The following ATRX variants were observed in gnomAD, a reference collection of about 807,000 sequenced individuals.
The protein encoded by ATRX is ATRX chromatin remodeler.
ATRX carries 12 observed loss-of-function variants against 172.6 expected under a neutral mutation model. The ratio of observed to expected loss-of-function variants is 0.07; its 90% CI spans 0.04 to 0.11. The LOEUF (loss-of-function observed/expected upper bound fraction) is 0.11. Ranked by LOEUF, ATRX falls within the 10% of genes least tolerant of loss-of-function variation. The pLI, the probability that ATRX is intolerant of heterozygous loss-of-function variation, is 1.00. For missense variants in ATRX, 1,368 were observed against 1,767.4 expected (o/e 0.77, Z 4.05); for synonymous variants, 674 against 594.7 (o/e 1.13, Z -1.94).
chrX:77,703,362 C>T (rs1603252332), intron 2 of ATRX, among the ~76,000 whole-genome samples: 1 of 112,886 alleles, frequency 8.9e-6, no homozygotes, highest in Admixed American at 9.3e-5. Flanking sequence ...GGGGTCCGGT[C>T]ACTGCGCAAT....
At chrX:77,542,282 G>A (rs781996655) in intron 30 of ATRX, among the ~76,000 whole-genome samples, 100 of 111,649 alleles carry the variant, frequency 9.0e-4, no homozygotes, top group Non-Finnish European at 1.6e-3. Flanking sequence ...CCTCTTCAAG[G>A]AGAACTACAA....
chrX:77,780,469 G>A (rs188420639), intron 1 of ATRX, among the ~76,000 whole-genome samples: 47 of 109,090 alleles, frequency 4.3e-4, no homozygotes, highest in Non-Finnish European at 7.6e-4. Flanking sequence ...GAGATTACAG[G>A]TGCCCACCAC....
chrX:77,731,774 G>A (rs944707636), intron 1 of ATRX, among the ~76,000 whole-genome samples: 24 of 110,540 alleles, frequency 2.2e-4, no homozygotes, highest in Non-Finnish European at 1.1e-4. Flanking sequence ...AGAAACGGCC[G>A]GACTTCAGGG....
At chrX:77,557,407 T>C in intron 30 of ATRX, 44 bp downstream of exon 30, 1 of 1,154,951 alleles carries the variant, frequency 8.7e-7, no homozygotes, top group Non-Finnish European at 1.2e-6. Flanking sequence ...AAAATTTCCT[T>C]AGTCCACGTT....
chrX:77,682,564 C>A lies in ATRX; in HGVS notation c.2692G>T (p.Asp898Tyr). 8.3e-7 allele frequency: 1 copy of A among 1,211,059 alleles called. No individual in the cohort carries two copies. The highest frequency in any genetic ancestry group is 1.1e-6 in the Non-Finnish European group (1 of 895,280). Reference protein sequence around the residue: ...FSSAEGTVDKDTTIMELRDRL... With the variant: ...FSSAEGTVDKYTTIMELRDRL... ...TCTCTTAATTCCATGATGGTCGTGT[C>A]TTTATCAACTGTGCCTTCTGCTGAA... Residue 898 changes from aspartate (D) to tyrosine (Y), a missense_variant, in exon 9 of 35, where the codon GAC (aspartate) becomes TAC (tyrosine). Asp to Tyr is a radical substitution (Grantham distance 160). Around this residue, in one of 17 missense-constraint regions of ATRX, gnomAD observed 843 missense variants for 643.1 expected, o/e 1.31. Transcript: ENST00000373344.
chrX:77,507,299 G>C lies in ATRX; in HGVS notation c.*1052C>G. The C allele has an allele frequency of 5.8e-6, 1 of 173,488 alleles. No individual in the cohort carries two copies. Among genetic ancestry groups the C allele is most frequent in the East Asian group, 8.3e-5 (1 of 12,065 alleles). The allele number at this position is 173,488 out of a possible 1,213,427, so 14.3% of individuals were successfully genotyped here. On this transcript the variant is annotated 3_prime_UTR_variant, in exon 35 of 35. Coordinates refer to ENST00000373344, the MANE Select transcript of ATRX (RefSeq NM_000489.6). Reference sequence around the variant, plus strand: ...AGCCAGTGATTCTTATCTTTCAGAGGAATTATTTCACAATACTGATAGTAC... The same window carrying C: ...AGCCAGTGATTCTTATCTTTCAGAGCAATTATTTCACAATACTGATAGTAC...
At chrX:77,746,195 A>G (rs1202158957) in intron 1 of ATRX, among the ~76,000 whole-genome samples, 1 of 110,734 alleles carries the variant, frequency 9.0e-6, no homozygotes, top group Non-Finnish European at 1.9e-5. Flanking sequence ...AATGAATACA[A>G]TGTGTGTTAT....
chrX:77,650,028 G>T (rs1244593637), intron 15 of ATRX, among the ~76,000 whole-genome samples: 1 of 112,363 alleles, frequency 8.9e-6, no homozygotes, highest in African/African-American at 3.2e-5. Context: ...CTATATTCAT[G>T]TAACAGGAGA....
At chrX:77,748,157 T>C (rs1258902842) in intron 1 of ATRX, among the ~76,000 whole-genome samples, 3 of 112,185 alleles carry the variant, frequency 2.7e-5, no homozygotes, top group Non-Finnish European at 3.8e-5. Flanking sequence ...CATGCATTTA[T>C]TGTATATAAA....
chrX:77,693,773 A>C, intron 6 of ATRX, 51 bp downstream of exon 6: 1 of 1,010,358 alleles, frequency 9.9e-7, no homozygotes, highest in Non-Finnish European at 1.4e-6. Context: ...ATTTTCCAAT[A>C]TGGTCATAAA....
In ATRX at chrX:77,682,621, C is replaced by T. The variant is rs781899451; in HGVS notation, c.2635G>A (p.Ala879Thr). The T allele has an allele frequency of 8.3e-7, 1 of 1,208,502 alleles. No individual in the cohort carries two copies. The highest frequency in any genetic ancestry group is 1.1e-6 in the Non-Finnish European group (1 of 895,064). ...GTCTCTCTCTCTTGTTTTCTTTCAG[C>T]ATCATCAGATGATCCTTCTTGTGAG... is the stretch of plus-strand genomic sequence containing the variant. ...KTSQEGSSDD[A>T]ERKQERETFS... The change falls in exon 9 of 35, where the codon GCT (alanine) becomes ACT (threonine). Residue 879 changes from alanine to threonine, a missense_variant. Ala to Thr is a moderately conservative substitution (Grantham distance 58). Around this residue, in one of 17 missense-constraint regions of ATRX, gnomAD observed 843 missense variants for 643.1 expected, o/e 1.31. Coordinates refer to ENST00000373344, the MANE Select transcript of ATRX (RefSeq NM_000489.6).
At chrX:77,742,951 G>A (rs1203740517) in intron 1 of ATRX, among the ~76,000 whole-genome samples, 1 of 111,252 alleles carries the variant, frequency 9.0e-6, no homozygotes, top group African/African-American at 3.3e-5. Context: ...TCATAACTGT[G>A]AGCAGTACGG....
intron 27 of ATRX, among the ~76,000 whole-genome samples, chrX:77,581,233 A>G (rs1449785079): frequency 8.9e-6 from 1 of 111,741 alleles, no homozygotes; most frequent in African/African-American, 3.3e-5. Context: ...AATAACATTC[A>G]ATGTAAATGG....
chrX:77,513,215 G>T (rs2062933542), intron 34 of ATRX, among the ~76,000 whole-genome samples: 1 of 104,661 alleles, frequency 9.6e-6, no homozygotes, highest in South Asian at 4.4e-4. Context: ...TACTCAGGAG[G>T]CTAAGATAGG....
At chrX:77,534,323 CAAAT>C (rs2063682076) in intron 30 of ATRX, among the ~76,000 whole-genome samples, 1 of 111,512 alleles carries the variant, frequency 9.0e-6, no homozygotes, top group Non-Finnish European at 1.9e-5. Flanking sequence ...ATATAAGAAA[CAAAT>C]AATGAAATTA....
At chrX:77,554,794 C>T (rs1393500471) in intron 30 of ATRX, among the ~76,000 whole-genome samples, 1 of 112,278 alleles carries the variant, frequency 8.9e-6, no homozygotes, top group Non-Finnish European at 1.9e-5. Flanking sequence ...GCACTTCATT[C>T]TTTCCCTTTT....
At chrX:77,656,499 C>A (rs2069561031) in intron 13 of ATRX, 61 bp downstream of exon 13, 1 of 858,857 alleles carries the variant, frequency 1.2e-6, no homozygotes, top group Admixed American at 2.2e-5. Flanking sequence ...CCATATAAAT[C>A]ATTTGAAGGC....
At chrX:77,785,214 GTAAA>G (rs1485921267) in intron 1 of ATRX, among the ~76,000 whole-genome samples, 2 of 110,865 alleles carry the variant, frequency 1.8e-5, no homozygotes. Flanking sequence ...GAATAAATAA[GTAAA>G]TAAAGATAGG....
chrX:77,738,638 A>G (rs2074713838), intron 1 of ATRX, among the ~76,000 whole-genome samples: 1 of 92,929 alleles, frequency 1.1e-5, no homozygotes, highest in Non-Finnish European at 2.0e-5. Flanking sequence ...ATCTCGTCTC[A>G]CTGCAACCTC....
Sources: allele counts gnomAD v4.1 joint callset (sites outside exome capture counted in the v4.1 genomes callset), GRCh38; gene constraint gnomAD v4.1.1; regional missense constraint gnomAD v4.1.1; transcripts MANE v1.5; gene names NCBI Gene and HGNC (gene_info 2026-07-23, HGNC 2026-07-21).